CRB1: variants seen among roughly 807,000 people sequenced by gnomAD.
The protein encoded by CRB1 is crumbs cell polarity complex component 1.
A neutral mutation model predicts 120.0 loss-of-function variants in CRB1; 83 were observed. That is an observed-to-expected ratio of 0.69 (90% CI 0.58 to 0.83). CRB1 has a LOEUF of 0.83. Among genes scored for constraint, CRB1 ranks in the 40% least tolerant of loss-of-function variants. The pLI is 0.00. For missense variants in CRB1, 1,699 were observed against 1,687.6 expected, an observed-to-expected ratio of 1.01 and a Z score of -0.12; for synonymous variants, 625 against 612.5, an observed-to-expected ratio of 1.02 and a Z score of -0.30.
At chr1:197,260,762 T>A in the CRB1 span, among the ~76,000 whole-genome samples, 4 of 151,750 alleles carry the variant, frequency 2.6e-5, no homozygotes, top group African/African-American at 4.8e-5. Flanking sequence ...GGTAGGGAGA[T>A]CCTGGCTCAC....
At chr1:197,380,033 T>C (rs1386431448) in intron 5 of CRB1, among the ~76,000 whole-genome samples, 1 of 152,214 alleles carries the variant, frequency 6.6e-6, no homozygotes, top group Non-Finnish European at 1.5e-5. Context: ...GATTTAAATG[T>C]TTTAATTACT....
chr1:197,288,132 GACCAGAGATCTGCAGAA>G (rs1307761193), intron 1 of CRB1, among the ~76,000 whole-genome samples: 9 of 151,838 alleles, frequency 5.9e-5, no homozygotes, highest in Non-Finnish European at 5.9e-5. Context: ...CACAGAGACA[GACCAGAGATCTGCAGAA>G]GCTCCTTTTA....
chr1:197,477,106 T>C (rs965236195), intron 11 of CRB1, among the ~76,000 whole-genome samples: 6 of 152,212 alleles, frequency 3.9e-5, no homozygotes, highest in Admixed American at 3.3e-4. Context: ...TCAATTGCCA[T>C]GTTGAATCCG....
intron 11 of CRB1, among the ~76,000 whole-genome samples, chr1:197,449,482 T>G (rs1245285029): frequency 6.6e-6 from 1 of 152,130 alleles, no homozygotes; most frequent in Non-Finnish European, 1.5e-5. Flanking sequence ...TTCTCCTGCC[T>G]CAGCCTCTCA....
At chr1:197,347,231 T>TA (rs1350988667) in intron 3 of CRB1, 109 bp from the exon 4 acceptor site, 1 of 952,522 alleles carries the variant, frequency 1.0e-6, no homozygotes, top group Non-Finnish European at 1.7e-6. Flanking sequence ...TTTGAGGTAG[T>TA]AAGATGATGC....
At chr1:197,221,875 A>G in the CRB1 span, among the ~76,000 whole-genome samples, 1 of 152,162 alleles carries the variant, frequency 6.6e-6, no homozygotes, top group Non-Finnish European at 1.5e-5. Flanking sequence ...ATTTATGACA[A>G]GAATAGGTGA....
chr1:197,255,146 T>C, the CRB1 span, among the ~76,000 whole-genome samples: 1 of 152,120 alleles, frequency 6.6e-6, no homozygotes, highest in African/African-American at 2.4e-5. Context: ...TGGGGAGTTA[T>C]ACTTTTCCAT....
chr1:197,247,227 T>C, the CRB1 span, among the ~76,000 whole-genome samples: 99 of 152,218 alleles, frequency 6.5e-4, no homozygotes, highest in Non-Finnish European at 1.1e-3. Context: ...AATACTGTTA[T>C]GTATTTTTTC....
At position 197,427,458 on chromosome 1, in the gene CRB1, T is replaced by C. The variant is rs772794324; in HGVS notation, c.2133T>C (p.Tyr711=). 6 of 1,613,636 alleles carry C rather than the reference T, an allele frequency of 3.7e-6. No individual in the cohort carries two copies. In the South Asian group the frequency reaches 4.4e-5, roughly 12 times the overall value. The change falls in exon 7 of 12, where the codon TAT becomes TAC. Residue 711 remains tyrosine (Y), a synonymous_variant. Coordinates refer to ENST00000367400, the MANE Select transcript of CRB1 (RefSeq NM_201253.3). ...PYEGPNCLRE[Y]VAGRFGQDDS... ...TCCTCTATTTTGACATTGAAGAGTA[T>C]GTGGCAGGCAGATTTGGCCAGGATG...
At chr1:197,296,166 G>A (rs1656504828) in intron 1 of CRB1, among the ~76,000 whole-genome samples, 1 of 151,996 alleles carries the variant, frequency 6.6e-6, no homozygotes, top group Non-Finnish European at 1.5e-5. Flanking sequence ...AATGTTCATA[G>A]TATATTAACA....
chr1:197,446,471 C>A (rs1160286984), intron 11 of CRB1, among the ~76,000 whole-genome samples: 1 of 152,072 alleles, frequency 6.6e-6, no homozygotes, highest in African/African-American at 2.4e-5. Flanking sequence ...ATGGGGCTGT[C>A]GAAAGAAGCA....
rs767648174 is a variant in CRB1, at chr1:197,427,633, G to C, written c.2308G>C (p.Gly770Arg). 6.2e-7 allele frequency: 1 copy of C among 1,613,884 alleles called. No individual in the cohort carries two copies. Among genetic ancestry groups the C allele is most frequent in the Non-Finnish European group, 8.5e-7 (1 of 1,179,966 alleles). ...YQYIRVWLER[G>R]RLAMLTPNSP... ...ATATATCCGTGTCTGGCTAGAGCGC[G>C]GCAGACTAGCAATGCTGACTCCAAA... Residue 770 changes from glycine to arginine, a missense_variant, in exon 7 of 12, where the codon GGC becomes CGC. Physicochemically the swap from Gly to Arg is moderately radical, Grantham distance 125 (BLOSUM62 -2). Coordinates refer to ENST00000367400, the MANE Select transcript of CRB1 (RefSeq NM_201253.3).
At chr1:197,288,761 T>G (rs1655986679) in intron 1 of CRB1, among the ~76,000 whole-genome samples, 1 of 151,480 alleles carries the variant, frequency 6.6e-6, no homozygotes, top group Non-Finnish European at 1.5e-5. Context: ...GACATAGCAA[T>G]GGAAATGATC....
the CRB1 span, among the ~76,000 whole-genome samples, chr1:197,256,941 G>A: frequency 1.5e-5 from 2 of 134,528 alleles, no homozygotes; most frequent in African/African-American, 2.6e-5. Flanking sequence ...GCGTGTGTGT[G>A]TGTGTGTGTG....
chr1:197,230,971 A>G, the CRB1 span, among the ~76,000 whole-genome samples: 1 of 152,182 alleles, frequency 6.6e-6, no homozygotes, highest in African/African-American at 2.4e-5. Context: ...ATGATGATCA[A>G]ATGCTCAAAT....
chr1:197,210,313 A>G, the CRB1 span, among the ~76,000 whole-genome samples: 1 of 152,166 alleles, frequency 6.6e-6, no homozygotes, highest in Non-Finnish European at 1.5e-5. Flanking sequence ...AAATAAGTAG[A>G]CTTTGAGTAA....
intron 9 of CRB1, 109 bp from the exon 10 acceptor site, chr1:197,438,438 G>A: frequency 7.5e-7 from 1 of 1,336,810 alleles, no homozygotes. Context: ...CCTCCAGCCT[G>A]AGTACTTAAT....
intron 1 of CRB1, among the ~76,000 whole-genome samples, chr1:197,294,155 A>G (rs1047142593): frequency 6.6e-6 from 1 of 152,164 alleles, no homozygotes; most frequent in Non-Finnish European, 1.5e-5. Context: ...AATTTTTGCA[A>G]TCTGCACATC....
intron 1 of CRB1, among the ~76,000 whole-genome samples, chr1:197,297,877 T>C (rs1242802102): frequency 6.6e-6 from 1 of 152,068 alleles, no homozygotes; most frequent in Non-Finnish European, 1.5e-5. Context: ...TATCAAGACT[T>C]CAAGTAAGAA....
Sources: gnomAD v4.1 joint callset for allele counts (sites outside exome capture counted in the v4.1 genomes callset) on GRCh38, gnomAD v4.1.1 for gene constraint, MANE v1.5 for transcripts, NCBI Gene and HGNC (gene_info 2026-07-23, HGNC 2026-07-21) for gene names.